KMT2A: variants seen among roughly 807,000 people sequenced by gnomAD.
KMT2A encodes histone-lysine N-methyltransferase 2A.
KMT2A carries 16 observed loss-of-function variants against 345.3 expected under a neutral mutation model. The observed-to-expected ratio is 0.05, with a 90% CI of 0.03 to 0.07. KMT2A has a LOEUF of 0.07. Among genes scored for constraint, KMT2A ranks in the 10% least tolerant of loss-of-function variants. The pLI is 1.00. For synonymous variants in KMT2A, 1,599 were observed against 1,778.6 expected, an observed-to-expected ratio of 0.90 and a Z score of 2.54; for missense variants, 3,272 against 4,841.6, an observed-to-expected ratio of 0.68 and a Z score of 9.62.
chr11:118,480,097 C>A, intron 5 of KMT2A, 77 bp from the exon 6 acceptor site: 2 of 1,117,068 alleles, frequency 1.8e-6, no homozygotes, highest in Non-Finnish European at 2.7e-6. Flanking sequence ...CTGATTGTTG[C>A]AGACAAAATG....
intron 10 of KMT2A, among the ~76,000 whole-genome samples, chr11:118,485,973 C>T (rs1178185977): frequency 6.6e-6 from 1 of 152,158 alleles, no homozygotes; most frequent in Non-Finnish European, 1.5e-5. Context: ...GTCCCAGCTA[C>T]TCGAGAGGCT....
intron 1 of KMT2A, among the ~76,000 whole-genome samples, chr11:118,445,040 A>C (rs1367929076): frequency 6.6e-6 from 1 of 152,222 alleles, no homozygotes; most frequent in Admixed American, 6.5e-5. Flanking sequence ...AGAGATTGAA[A>C]GGAGAGCAGG....
rs1429154529 is a variant in KMT2A at position 118,504,188 on chromosome 11, G to A, written c.8296G>A (p.Glu2766Lys). The A allele has an allele frequency of 6.2e-7, 1 of 1,614,056 alleles. No individual in the cohort carries two copies. The highest frequency in any genetic ancestry group is 1.3e-5 in the African/African-American group (1 of 74,916). Residue 2766 changes from glutamate to lysine, a missense_variant, in exon 27 of 36, where the codon GAG becomes AAG. Transcript: ENST00000534358. The surrounding 1 kb of genome is among the most constrained non-coding windows in gnomAD (Gnocchi z 6.4). ...LKIDRPEDAG[E>K]KEHVTKSSVG... ...GATTGATAGACCTGAAGATGCTGGG[G>A]AGAAAGAACATGTCACTAAGAGTTC...
At chr11:118,448,082 A>C (rs1352812123) in intron 1 of KMT2A, 1 of 152,926 alleles carries the variant, frequency 6.5e-6, no homozygotes, top group African/African-American at 2.4e-5. Context: ...TCCAGTAGGA[A>C]GCTTCCAGAG....
Position 118,506,216 on chromosome 11 carries a change from G to A in KMT2A, c.10324G>A (p.Ala3442Thr), listed in dbSNP as rs2134411804. 1.9e-6 allele frequency: 3 copies of A among 1,614,110 alleles called. No homozygotes were observed. The highest frequency in any genetic ancestry group is 2.5e-6 in the Non-Finnish European group (3 of 1,180,012). ...LPSTQTTGIT[A>T]ASPSGEADEH... ...CTCCACTCAGACTACGGGCATAACA[G>A]CCGCTTCACCTTCTGGGGAAGCAGA... The change falls in exon 27 of 36, where the codon GCC (alanine) becomes ACC (threonine). Residue 3442 changes from alanine to threonine, a missense_variant. Ala to Thr is a moderately conservative substitution (Grantham distance 58, BLOSUM62 0). This residue lies in a region of KMT2A where 748 missense variants were observed against 922.2 expected (regional missense o/e 0.81). Coordinates refer to ENST00000534358, the MANE Select transcript of KMT2A (RefSeq NM_001197104.2).
Position 118,520,022 on chromosome 11 carries a change from C to G in KMT2A, c.11387C>G (p.Pro3796Arg). The change falls in exon 33 of 36, where the codon CCC becomes CGC. Residue 3796 changes from proline (P) to arginine (R), a missense_variant. Coordinates refer to ENST00000534358, the MANE Select transcript of KMT2A (RefSeq NM_001197104.2). This position sits in a 1 kb window ranked among gnomAD's most constrained non-coding sequence, Gnocchi z 4.3. Reference sequence around the variant, plus strand: ...CATCGTCAGCCTCCTGAATACAACCCCAATGATGAAGAAGAGGAGGAGGTA... The same window carrying G: ...CATCGTCAGCCTCCTGAATACAACCGCAATGATGAAGAAGAGGAGGAGGTA... ...SKHRQPPEYN[P>R]NDEEEEEVQL... 4 of 1,614,096 alleles carry G rather than the reference C, an allele frequency of 2.5e-6. No homozygotes were observed. Among genetic ancestry groups the G allele is most frequent in the Non-Finnish European group, 3.4e-6 (4 of 1,179,982 alleles).
At chr11:118,438,902 A>G (rs574281253) in intron 1 of KMT2A, 73 of 388,738 alleles carry the variant, frequency 1.9e-4, no homozygotes, top group South Asian at 1.3e-3. Flanking sequence ...TTTCTGCTCT[A>G]TCTCCACCTC....
At chr11:118,511,286 C>T (rs1555050013) in intron 30 of KMT2A, among the ~76,000 whole-genome samples, 1 of 152,056 alleles carries the variant, frequency 6.6e-6, no homozygotes, top group African/African-American at 2.4e-5. Context: ...AATGAGTACA[C>T]TTGGTGGAAT....
intron 31 of KMT2A, among the ~76,000 whole-genome samples, chr11:118,517,206 T>C (rs1424342236): frequency 6.6e-6 from 1 of 151,762 alleles, no homozygotes; most frequent in East Asian, 1.9e-4. Flanking sequence ...CCATCCTGGC[T>C]AACACAGTGA....
Position 118,491,945 on chromosome 11 carries a change from T to G in KMT2A, c.5004+17T>G, listed in dbSNP as rs368968658. 65 of 1,597,818 alleles carry G rather than the reference T, an allele frequency of 4.1e-5. No homozygotes were observed. The highest frequency in any genetic ancestry group is 5.2e-5 in the Non-Finnish European group (61 of 1,168,824). On this transcript the variant is annotated intron_variant, in intron 15 of 35. Coordinates refer to ENST00000534358, the MANE Select transcript of KMT2A (RefSeq NM_001197104.2). The surrounding 1 kb of genome is among the most constrained non-coding windows in gnomAD (Gnocchi z 4.2). ...TACCGGCAGGTAGGCCAAGTCTCAT[T>G]TTTTTCTGAGAGCTTGTTCTTAGGT...
At chr11:118,459,159 T>G (rs1222428055) in intron 1 of KMT2A, among the ~76,000 whole-genome samples, 1 of 152,036 alleles carries the variant, frequency 6.6e-6, no homozygotes, top group African/African-American at 2.4e-5. Flanking sequence ...AACCTCTGCC[T>G]CCTGGGTTCA....
At chr11:118,480,267 A>G (rs575841329) in intron 6 of KMT2A, 29 bp downstream of exon 6, 3 of 1,583,932 alleles carry the variant, frequency 1.9e-6, no homozygotes, top group East Asian at 2.2e-5. Context: ...TCTTCCCCCA[A>G]ATGCTCCTTG....
At position 118,521,865 on chromosome 11, in the gene KMT2A, A is replaced by G; in HGVS notation, c.11644-32A>G. 1 of 1,599,294 alleles carries G rather than the reference A, an allele frequency of 6.3e-7. No homozygotes were observed. The highest frequency in any genetic ancestry group is 1.1e-5 in the South Asian group (1 of 90,740). ...CTTAAAGCTGAGTTTATAAGAAATG[A>G]CAAGTTCTTCTCCCTTCTTCTGCAT... On this transcript the variant is annotated intron_variant, in intron 35 of 35. Transcript: ENST00000534358. This position sits in a 1 kb window ranked among gnomAD's most constrained non-coding sequence, Gnocchi z 5.3.
Position 118,473,129 on chromosome 11 carries a change from C to T in KMT2A, c.1970C>T (p.Thr657Ile). ...IFDNFRPPPL[T>I]PEDVGFASGF... ...GATAATTTCCGACCCCCTCCACTAA[C>T]TCCCGAGGACGTTGGCTTTGCATCT... Residue 657 changes from threonine (T) to isoleucine (I), a missense_variant, in exon 3 of 36, where the codon ACT becomes ATT. By Grantham distance (89) the Thr-to-Ile change is moderately conservative (BLOSUM62 -1). Transcript: ENST00000534358. The surrounding 1 kb of genome is among the most constrained non-coding windows in gnomAD (Gnocchi z 5.2). The T allele has an allele frequency of 6.2e-7, 1 of 1,614,198 alleles. No homozygotes were observed. Among genetic ancestry groups the T allele is most frequent in the Non-Finnish European group, 8.5e-7 (1 of 1,180,040 alleles).
intron 10 of KMT2A, chr11:118,488,382 A>G (rs559565422): frequency 1.6e-4 from 84 of 540,092 alleles, no homozygotes; most frequent in African/African-American, 1.4e-3. Flanking sequence ...ATCTTGTATT[A>G]TATTTATTTT....
rs944430936 is a variant in KMT2A at position 118,477,835 on chromosome 11, T to C, written c.3335-132T>C. On this transcript the variant is annotated intron_variant, in intron 4 of 35. Transcript: ENST00000534358. The stretch of plus-strand genomic sequence containing the variant: ...TTATTGGCATTTTTAAACATTTAAA[T>C]AATTATTTAAAATAGATTCTGAGTT... 6.1e-6 allele frequency: 4 copies of C among 659,042 alleles called. No individual in the cohort carries two copies. In the African/African-American group the frequency reaches 7.3e-5, roughly 12 times the overall value. The allele number at this position is 659,042 out of a possible 1,614,324, so 40.8% of individuals were successfully genotyped here.
rs1204776106 is a variant in KMT2A at position 118,495,164 on chromosome 11, A to ATTTTTTT, written c.5363+404_5363+410dup. Among the ~76,000 whole-genome samples, 1 of 141,010 alleles carries ATTTTTTT rather than the reference A, an allele frequency of 7.1e-6. No individual in the cohort carries two copies. The highest frequency in any genetic ancestry group is 2.6e-5 in the African/African-American group (1 of 37,828). 92.5% of individuals were successfully genotyped at this position (141,010 alleles called of 152,430 possible). ...TTGATTTGATTTTATTTATTTATTTATTTTTTTTTTTTTGAGACGGAGTCT... is the reference window on the plus strand; with the variant it reads ...TTGATTTGATTTTATTTATTTATTTATTTTTTTTTTTTTTTTTTTTGAGACGGAGTCT... On this transcript the variant is annotated intron_variant, in intron 18 of 35. Coordinates refer to ENST00000534358, the MANE Select transcript of KMT2A (RefSeq NM_001197104.2). The surrounding 1 kb of genome is among the most constrained non-coding windows in gnomAD (Gnocchi z 4.1).
At chr11:118,479,173 T>G (rs1555038550) in intron 5 of KMT2A, among the ~76,000 whole-genome samples, 1 of 152,234 alleles carries the variant, frequency 6.6e-6, no homozygotes, top group Non-Finnish European at 1.5e-5. Flanking sequence ...TGTTGTGCTA[T>G]CAAATGCTAA....
chr11:118,449,706 T>A (rs1238899725), intron 1 of KMT2A: 5 of 152,166 alleles, frequency 3.3e-5, no homozygotes, highest in Admixed American at 6.5e-5. Flanking sequence ...TTCAGCAAAC[T>A]GACTTTATGG....
Sources: allele counts gnomAD v4.1 joint callset (sites outside exome capture counted in the v4.1 genomes callset), GRCh38; gene constraint gnomAD v4.1.1; regional missense constraint gnomAD v4.1.1; non-coding constraint Gnocchi (gnomAD v3.1); transcripts MANE v1.5; gene names NCBI Gene and HGNC (gene_info 2026-07-23, HGNC 2026-07-21).